Variants in PRKDC observed in about 807,000 individuals in gnomAD.
PRKDC encodes DNA-dependent protein kinase catalytic subunit.
Under a neutral mutation model 486.9 loss-of-function variants are expected in PRKDC, and 82 were observed. The ratio of observed to expected loss-of-function variants is 0.17; its 90% CI spans 0.14 to 0.20. The LOEUF is 0.20. PRKDC is among the 10% of genes least tolerant of loss of function. The pLI, the probability that PRKDC is intolerant of heterozygous loss-of-function variation, is 1.00. For missense variants in PRKDC, 4,504 were observed against 5,038.2 expected (o/e 0.89, Z 3.21); for synonymous variants, 1,895 against 1,837.0 (o/e 1.03, Z -0.81).
chr8:47,849,472 G>A lies in PRKDC; in HGVS notation c.7037C>T (p.Ala2346Val), dbSNP rs201543814. 113 of 1,613,892 alleles carry A rather than the reference G, an allele frequency of 7.0e-5. No homozygotes were observed. The highest frequency in any genetic ancestry group is 6.5e-5 in the Non-Finnish European group (77 of 1,179,868). ...ILEESLCELV[A>V]KQLKQHQNTM... ...ATTCTGATGTTGCTTCAATTGTTTCGCAACCAGTTCACACAGAGACTCCTC... is the reference window on the plus strand; with the variant it reads ...ATTCTGATGTTGCTTCAATTGTTTCACAACCAGTTCACACAGAGACTCCTC... The change falls in exon 53 of 86, where the codon GCG (alanine) becomes GTG (valine). Residue 2346 changes from alanine to valine, a missense_variant. Around this residue, in one of 6 missense-constraint regions of PRKDC, gnomAD observed 1,592 missense variants for 1,724.6 expected, o/e 0.92. Transcript: ENST00000314191.
chr8:47,934,376 A>C (rs1444897889), intron 14 of PRKDC, among the ~76,000 whole-genome samples: 4 of 152,174 alleles, frequency 2.6e-5, no homozygotes, highest in African/African-American at 9.7e-5. Flanking sequence ...CTCTACTCTA[A>C]ACACAAAAAT....
At chr8:47,937,934 G>C (rs1233263185) in intron 11 of PRKDC, among the ~76,000 whole-genome samples, 1 of 152,164 alleles carries the variant, frequency 6.6e-6, no homozygotes, top group Non-Finnish European at 1.5e-5. Flanking sequence ...GTGTAACGAA[G>C]TGAGATATCG....
At position 47,796,555 on chromosome 8, in the gene PRKDC, T is replaced by A. The variant is rs555498947; in HGVS notation, c.10458+1682A>T. On this transcript the variant is annotated intron_variant, in intron 73 of 85. Coordinates refer to ENST00000314191, the MANE Select transcript of PRKDC (RefSeq NM_006904.7). ...TTGTAGATTGCCGAAGTCAGCTTTTTGTTTCTTATATGTGTTGCAAACGTT... is the reference window on the plus strand; with the variant it reads ...TTGTAGATTGCCGAAGTCAGCTTTTAGTTTCTTATATGTGTTGCAAACGTT... Among the ~76,000 whole-genome samples, 4 of 152,226 alleles carry A rather than the reference T, an allele frequency of 2.6e-5. No individual in the cohort carries two copies. The South Asian group carries it at 8.3e-4, about 32-fold the overall frequency.
chr8:47,905,211 T>C (rs2089756708), intron 25 of PRKDC, among the ~76,000 whole-genome samples: 3 of 152,114 alleles, frequency 2.0e-5, no homozygotes, highest in Admixed American at 2.0e-4. Flanking sequence ...TTTTTTTTTG[T>C]AGAGACAGGG....
chr8:47,808,081 T>C (rs2087252642), intron 68 of PRKDC, among the ~76,000 whole-genome samples: 1 of 152,200 alleles, frequency 6.6e-6, no homozygotes, highest in African/African-American at 2.4e-5. Flanking sequence ...TTTTGCTCCT[T>C]ATATGTCCCA....
rs559425878 is a variant in PRKDC, at chr8:47,927,765, G to A, written c.2259+6C>T. ...AAGAGATGGCTCTGTTCAAGACAAC[G>A]CCTACCTGCAGTGCAGGAACGTAGG... On this transcript the variant is annotated splice_donor_region_variant and intron_variant, in intron 20 of 85. Transcript: ENST00000314191. The A allele has an allele frequency of 3.5e-5, 53 of 1,518,448 alleles. 1 individual carries two copies. The South Asian group carries it at 5.0e-4, about 14-fold the overall frequency. 94.1% of individuals were successfully genotyped at this position (1,518,448 alleles called of 1,614,324 possible). A position where few individuals can be genotyped will look rare whatever the true frequency, so the allele number is the denominator to read the frequency against.
intron 17 of PRKDC, 54 bp downstream of exon 17, chr8:47,930,618 G>A: frequency 1.4e-6 from 2 of 1,480,142 alleles, no homozygotes; most frequent in African/African-American, 1.4e-5. Context: ...CTATATTACA[G>A]CCAATAACTA....
chr8:47,888,368 CATA>C, intron 34 of PRKDC, 147 bp downstream of exon 34: 1 of 550,092 alleles, frequency 1.8e-6, no homozygotes, highest in Non-Finnish European at 2.9e-6. Context: ...TATACAGATA[CATA>C]ATATCTACAT....
chr8:47,944,448 C>G lies in PRKDC; in HGVS notation c.722-419G>C, dbSNP rs577307263. On this transcript the variant is annotated intron_variant, in intron 7 of 85. Coordinates refer to ENST00000314191, the MANE Select transcript of PRKDC (RefSeq NM_006904.7). ...TACCATTCTCCCCAATACACCCAGG[C>G]ATTTATTCAACACCTAGTACATGTA... is the stretch of plus-strand genomic sequence containing the variant. Among the ~76,000 whole-genome samples, 16 of 140,288 alleles carry G rather than the reference C, an allele frequency of 1.1e-4. No individual in the cohort carries two copies. In the East Asian group the frequency reaches 1.5e-3, roughly 13 times the overall value. 92.0% of individuals were successfully genotyped at this position (140,288 alleles called of 152,430 possible). A position where few individuals can be genotyped will look rare whatever the true frequency, so the allele number is the denominator to read the frequency against.
At chr8:47,793,683 TAAAA>T (rs397892514) in intron 74 of PRKDC, among the ~76,000 whole-genome samples, 11 of 72,802 alleles carry the variant, frequency 1.5e-4, no homozygotes, top group East Asian at 3.9e-4. Flanking sequence ...TTAAAAAAAC[TAAAA>T]AAAAAAAAAA....
rs1274628456 is a variant in PRKDC at position 47,933,003 on chromosome 8, T to C, written c.1776+17A>G. On this transcript the variant is annotated intron_variant, in intron 16 of 85. Coordinates refer to ENST00000314191, the MANE Select transcript of PRKDC (RefSeq NM_006904.7). ...TACAAAAATGATGAAAAATTACTAC[T>C]GATAAAAATTTCTAACCTCTTGTTC... 3.2e-6 allele frequency: 5 copies of C among 1,563,080 alleles called. No homozygotes were observed. Among genetic ancestry groups the C allele is most frequent in the East Asian group, 4.6e-5 (2 of 43,662 alleles).
intron 35 of PRKDC, among the ~76,000 whole-genome samples, chr8:47,886,509 G>A (rs1563785566): frequency 6.6e-6 from 1 of 151,616 alleles, no homozygotes; most frequent in East Asian, 1.9e-4. Flanking sequence ...TCCGGCCTCA[G>A]CACCCCCGAG....
intron 74 of PRKDC, 94 bp downstream of exon 74, chr8:47,794,196 T>G (rs1334617425): frequency 3.0e-6 from 3 of 1,012,552 alleles, no homozygotes; most frequent in Non-Finnish European, 4.3e-6. Flanking sequence ...TCTAATTAAT[T>G]TGAAAACAAA....
chr8:47,848,727 T>C (rs1397186476), intron 54 of PRKDC, among the ~76,000 whole-genome samples: 3 of 151,852 alleles, frequency 2.0e-5, no homozygotes, highest in Non-Finnish European at 4.4e-5. Flanking sequence ...AATAATATAA[T>C]GTAAGTGATC....
intron 16 of PRKDC, 113 bp downstream of exon 16, chr8:47,932,906 AC>A (rs751020027): frequency 3.1e-4 from 286 of 922,446 alleles, no homozygotes; most frequent in Non-Finnish European, 3.9e-4. Flanking sequence ...ATCCTGAAGA[AC>A]CAAATTTTCT....
Position 47,888,644 on chromosome 8 carries a change from CT to C in PRKDC, c.4286del (p.Glu1429GlyfsTer75). On this transcript the variant is annotated frameshift_variant, in exon 34 of 86. Transcript: ENST00000314191. LOFTEE classifies it high-confidence loss of function. ...CATACAAGTTGACGGCACAAAGCTC[CT>C]CAATGCTGGCCATGTGACAAAACAG... is the stretch of plus-strand genomic sequence containing the variant. ...LREKITAQSIEELCAVNLYGP... is the reference protein window; with the variant it reads ...LREKITAQSIXELCAVNLYGP... 6.3e-7 allele frequency: 1 copy of C among 1,584,942 alleles called. No individual in the cohort carries two copies. Among genetic ancestry groups the C allele is most frequent in the Admixed American group, 1.8e-5 (1 of 54,684 alleles).
At chr8:47,818,178 G>A (rs1042912300) in intron 67 of PRKDC, among the ~76,000 whole-genome samples, 3 of 152,066 alleles carry the variant, frequency 2.0e-5, no homozygotes, top group Admixed American at 2.0e-4. Flanking sequence ...GACAGTCCTG[G>A]GTTCAAAATT....
chr8:47,912,368 CTTTTAGAAA>C, intron 25 of PRKDC, 33 bp downstream of exon 25: 1 of 1,471,392 alleles, frequency 6.8e-7, no homozygotes. Context: ...ACAAACCAAA[CTTTTAGAAA>C]TTTTACAACT....
chr8:47,848,725 A>G (rs1229071696), intron 54 of PRKDC, among the ~76,000 whole-genome samples: 1 of 152,122 alleles, frequency 6.6e-6, no homozygotes, highest in Admixed American at 6.5e-5. Context: ...GAAATAATAT[A>G]ATGTAAGTGA....
Sources: allele counts gnomAD v4.1 joint callset (sites outside exome capture counted in the v4.1 genomes callset), GRCh38; gene constraint gnomAD v4.1.1; regional missense constraint gnomAD v4.1.1; transcripts MANE v1.5; gene names NCBI Gene and HGNC (gene_info 2026-07-23, HGNC 2026-07-21).